POLR2H: variants seen among roughly 807,000 people sequenced by gnomAD.
POLR2H encodes DNA-directed RNA polymerases I, II, and III subunit RPABC3.
POLR2H carries 3 observed loss-of-function variants against 18.1 expected under a neutral mutation model. That is an observed-to-expected ratio of 0.17 (90% confidence interval 0.08 to 0.43). POLR2H has a LOEUF of 0.43. Among genes scored for constraint, POLR2H ranks in the 20% least tolerant of loss-of-function variants. The probability of loss-of-function intolerance (pLI) is 0.99; values close to 1 mark genes in which losing one functional copy is unlikely to be tolerated. For missense variants in POLR2H, 103 were observed against 184.6 expected (o/e 0.56, Z 2.56); for synonymous variants, 76 against 69.0 (o/e 1.10, Z -0.50).
intron 5 of POLR2H, among the ~76,000 whole-genome samples, chr3:184,367,008 A>T (rs1420475858): frequency 6.6e-6 from 1 of 152,104 alleles, no homozygotes; most frequent in Non-Finnish European, 1.5e-5. Flanking sequence ...CACATGAGAA[A>T]CTGATTATCT....
chr3:184,363,388 G>T lies in POLR2H; in HGVS notation c.-105G>T. 1 of 935,994 alleles carries T rather than the reference G, an allele frequency of 1.1e-6. No homozygotes were observed. The allele number at this position is 935,994 out of a possible 1,614,324, so 58.0% of individuals were successfully genotyped here. A position where few individuals can be genotyped will look rare whatever the true frequency, so the allele number is the denominator to read the frequency against. ...TCTCGTCTGGCCGCCGCGCTTTCAG[G>T]AGGTGCTTTTGGTTCTCTCCGGTCT... On this transcript the variant is annotated 5_prime_UTR_variant, in exon 2 of 6. Coordinates refer to ENST00000456318, the MANE Select transcript of POLR2H (RefSeq NM_006232.5).
intron 2 of POLR2H, 83 bp from the exon 3 acceptor site, chr3:184,364,882 AT>A (rs1712963619): frequency 1.1e-6 from 1 of 885,478 alleles, no homozygotes; most frequent in African/African-American, 1.6e-5. Context: ...ACTGGGTTAG[AT>A]TGAGTATCCT....
chr3:184,368,240 T>C lies in POLR2H; in HGVS notation c.399T>C (p.His133=). Residue 133 remains histidine (H), a synonymous_variant, in exon 6 of 6, where the codon CAT becomes CAC. Coordinates refer to ENST00000456318, the MANE Select transcript of POLR2H (RefSeq NM_006232.5). ...MRLQGDANNL[H]GFEVDSRVYL... Reference sequence around the variant, plus strand: ...TGCAGGGGGATGCCAACAACCTGCATGGATTCGAGGTGGACTCCAGAGTTT... The same window carrying C: ...TGCAGGGGGATGCCAACAACCTGCACGGATTCGAGGTGGACTCCAGAGTTT... 6.2e-7 allele frequency: 1 copy of C among 1,613,534 alleles called. No individual in the cohort carries two copies. The highest frequency in any genetic ancestry group is 8.5e-7 in the Non-Finnish European group (1 of 1,179,574).
At chr3:184,363,907 C>G (rs1339493378) in intron 2 of POLR2H, among the ~76,000 whole-genome samples, 1 of 152,186 alleles carries the variant, frequency 6.6e-6, no homozygotes, top group Non-Finnish European at 1.5e-5. Context: ...AAAAATTAGC[C>G]TGGCGTGGTG....
chr3:184,363,387 G>A lies in POLR2H; in HGVS notation c.-106G>A. ...CTCTCGTCTGGCCGCCGCGCTTTCAGGAGGTGCTTTTGGTTCTCTCCGGTC... is the reference window on the plus strand; with the variant it reads ...CTCTCGTCTGGCCGCCGCGCTTTCAAGAGGTGCTTTTGGTTCTCTCCGGTC... On this transcript the variant is annotated 5_prime_UTR_variant, in exon 2 of 6. Transcript: ENST00000456318. 1.1e-6 allele frequency: 1 copy of A among 932,558 alleles called. No homozygotes were observed. Among genetic ancestry groups the A allele is most frequent in the Non-Finnish European group, 1.7e-6 (1 of 578,458 alleles). The allele number at this position is 932,558 out of a possible 1,614,324, so 57.8% of individuals were successfully genotyped here.
At position 184,363,475 on chromosome 3, in the gene POLR2H, T is replaced by A. The variant is rs1322307113; in HGVS notation, c.-18T>A. 2 of 1,611,422 alleles carry A rather than the reference T, an allele frequency of 1.2e-6. No homozygotes were observed. The highest frequency in any genetic ancestry group is 1.7e-6 in the Non-Finnish European group (2 of 1,177,772). On this transcript the variant is annotated 5_prime_UTR_variant, in exon 2 of 6. Coordinates refer to ENST00000456318, the MANE Select transcript of POLR2H (RefSeq NM_006232.5). ...GTCGCGCTCTCACCCCTTCTGCTGC[T>A]CTCGTGGCCCCCTCGCGATGGCGGG...
intron 4 of POLR2H, 76 bp downstream of exon 4, chr3:184,365,302 T>C (rs1553859214): frequency 1.1e-6 from 1 of 917,302 alleles, no homozygotes. Flanking sequence ...AAGACTCTTC[T>C]AAAATTCCTG....
At chr3:184,364,748 CTT>C in intron 2 of POLR2H, 1 of 571,070 alleles carries the variant, frequency 1.8e-6, no homozygotes, top group South Asian at 2.3e-5. Flanking sequence ...GCTGGAGTAT[CTT>C]TGGTTGTTTT....
chr3:184,362,740 G>A lies in POLR2H; in HGVS notation c.-620-133G>A, dbSNP rs1712405106. ...AGCTGGAGGGGTAATGCCCGGGGGAGGGGGGTGGCGGGAGCCCGGCTGAAG... is the reference window on the plus strand; with the variant it reads ...AGCTGGAGGGGTAATGCCCGGGGGAAGGGGGTGGCGGGAGCCCGGCTGAAG... On this transcript the variant is annotated intron_variant, in intron 1 of 5. Transcript: ENST00000456318. This position sits in a 1 kb window ranked among gnomAD's most constrained non-coding sequence, Gnocchi z 5.9. The A allele has an allele frequency of 2.0e-5, 3 of 152,774 alleles. No homozygotes were observed. Among genetic ancestry groups the A allele is most frequent in the East Asian group, 1.9e-4 (1 of 5,144 alleles). 9.5% of individuals were successfully genotyped at this position (152,774 alleles called of 1,614,324 possible). A position where few individuals can be genotyped will look rare whatever the true frequency, so the allele number is the denominator to read the frequency against.
At position 184,368,257 on chromosome 3, in the gene POLR2H, C is replaced by T; in HGVS notation, c.416C>T (p.Ser139Phe). 4.3e-6 allele frequency: 7 copies of T among 1,610,956 alleles called. No individual in the cohort carries two copies. The highest frequency in any genetic ancestry group is 5.9e-6 in the Non-Finnish European group (7 of 1,178,132). The part of the protein sequence containing the change: ...ANNLHGFEVD[S>F]RVYLLMKKLA... ...AACCTGCATGGATTCGAGGTGGACT[C>T]CAGAGTTTATCTCCTGATGAAGAAG... is the stretch of plus-strand genomic sequence containing the variant. Residue 139 changes from serine to phenylalanine, a missense_variant, in exon 6 of 6, where the codon TCC (serine) becomes TTC (phenylalanine). Transcript: ENST00000456318.
intron 4 of POLR2H, among the ~76,000 whole-genome samples, chr3:184,365,949 C>T (rs1713183275): frequency 6.9e-6 from 1 of 145,750 alleles, no homozygotes; most frequent in Admixed American, 6.9e-5. Flanking sequence ...GCACTCCAGC[C>T]TGGGCGACAG....
Position 184,365,027 on chromosome 3 carries a change from T to A in POLR2H, c.135T>A (p.Ile45=). 6.2e-7 allele frequency: 1 copy of A among 1,608,622 alleles called. No individual in the cohort carries two copies. Among genetic ancestry groups the A allele is most frequent in the African/African-American group, 1.3e-5 (1 of 74,944 alleles). The part of the protein sequence containing the change: ...FKMDLILDVN[I]QIYPVDLGDK... ...TGGATCTAATCTTAGATGTAAACAT[T>A]CAAATTTACCCTGTAGACTTGGGTA... Residue 45 remains isoleucine, a synonymous_variant, in exon 3 of 6, where the codon ATT becomes ATA. Transcript: ENST00000456318.
At chr3:184,366,433 G>A (rs1196390410) in intron 4 of POLR2H, 1 of 215,454 alleles carries the variant, frequency 4.6e-6, no homozygotes, top group Non-Finnish European at 9.3e-6. Flanking sequence ...CGCCTCCCGG[G>A]TTCACGCCAT....
At position 184,368,216 on chromosome 3, in the gene POLR2H, G is replaced by T. The variant is rs772109145; in HGVS notation, c.375G>T (p.Leu125=). The change falls in exon 6 of 6, where the codon CTG becomes CTT. Residue 125 remains leucine (L), a synonymous_variant. Coordinates refer to ENST00000456318, the MANE Select transcript of POLR2H (RefSeq NM_006232.5). Reference sequence around the variant, plus strand: ...CCTATGGGGGCCTGCTCATGAGGCTGCAGGGGGATGCCAACAACCTGCATG... The same window carrying T: ...CCTATGGGGGCCTGCTCATGAGGCTTCAGGGGGATGCCAACAACCTGCATG... The part of the protein sequence containing the change: ...YVSYGGLLMR[L]QGDANNLHGF... The T allele has an allele frequency of 6.2e-7, 1 of 1,613,954 alleles. No homozygotes were observed. The highest frequency in any genetic ancestry group is 1.3e-5 in the African/African-American group (1 of 75,042).
chr3:184,364,016 A>C (rs1577341820), intron 2 of POLR2H, among the ~76,000 whole-genome samples: 1 of 152,294 alleles, frequency 6.6e-6, no homozygotes, highest in East Asian at 1.9e-4. Context: ...GCGCCACTGC[A>C]CGCCAGCCTG....
chr3:184,366,658 T>G (rs1189797414), intron 4 of POLR2H, 59 bp from the exon 5 acceptor site: 1 of 1,062,460 alleles, frequency 9.4e-7, no homozygotes, highest in East Asian at 2.4e-5. Context: ...CATTTTTAAA[T>G]GGGATCTTTT....
At chr3:184,367,645 C>G (rs567061089) in intron 5 of POLR2H, among the ~76,000 whole-genome samples, 1 of 152,000 alleles carries the variant, frequency 6.6e-6, no homozygotes, top group African/African-American at 2.4e-5. Flanking sequence ...CACCACCATG[C>G]CTGGCTAATT....
In POLR2H at chr3:184,363,257, C is replaced by T; in HGVS notation, c.-236C>T. ...CTGGACATGAGACCCGCCCTCAATG[C>T]CGAAGCCTCTCGGAAGCAATCTTTC... On this transcript the variant is annotated 5_prime_UTR_variant, in exon 2 of 6. Coordinates refer to ENST00000456318, the MANE Select transcript of POLR2H (RefSeq NM_006232.5). 1.7e-6 allele frequency: 1 copy of T among 580,778 alleles called. No homozygotes were observed. Among genetic ancestry groups the T allele is most frequent in the South Asian group, 1.9e-5 (1 of 53,216 alleles). The allele number at this position is 580,778 out of a possible 1,614,324, so 36.0% of individuals were successfully genotyped here. A position where few individuals can be genotyped will look rare whatever the true frequency, so the allele number is the denominator to read the frequency against.
In POLR2H at chr3:184,365,039, T is replaced by C; in HGVS notation, c.147T>C (p.Pro49=). 1.9e-6 allele frequency: 3 copies of C among 1,596,528 alleles called. No homozygotes were observed. Among genetic ancestry groups the C allele is most frequent in the Non-Finnish European group, 2.6e-6 (3 of 1,163,934 alleles). ...TAGATGTAAACATTCAAATTTACCC[T>C]GTAGACTTGGGTAAGTATTGAATAC... ...LILDVNIQIY[P]VDLGDKFRLV... Residue 49 remains proline, a synonymous_variant, in exon 3 of 6, where the codon CCT becomes CCC. Transcript: ENST00000456318.
Sources: allele counts gnomAD v4.1 joint callset (sites outside exome capture counted in the v4.1 genomes callset), GRCh38; gene constraint gnomAD v4.1.1; non-coding constraint Gnocchi (gnomAD v3.1); transcripts MANE v1.5; gene names NCBI Gene and HGNC (gene_info 2026-07-23, HGNC 2026-07-21).